Variants in RGS20 observed in about 807,000 individuals in gnomAD.
RGS20 encodes gz-selective GTPase-activating protein.
Under a neutral mutation model 33.6 loss-of-function variants are expected in RGS20, and 30 were observed. The observed-to-expected ratio is 0.89, with a 90% CI of 0.67 to 1.21. RGS20 has a LOEUF of 1.21. Among genes scored for constraint, RGS20 ranks in the 50% most tolerant of loss-of-function variants. The pLI, the probability that RGS20 is intolerant of heterozygous loss-of-function variation, is 0.00. For synonymous variants in RGS20, 208 were observed against 197.9 expected, an observed-to-expected ratio of 1.05 and a Z score of -0.43; for missense variants, 472 against 502.4, an observed-to-expected ratio of 0.94 and a Z score of 0.58.
At chr8:53,853,990 A>T (rs1445933591) in intron 1 of RGS20, among the ~76,000 whole-genome samples, 1 of 152,200 alleles carries the variant, frequency 6.6e-6, no homozygotes, top group African/African-American at 2.4e-5. Context: ...AGGGAACGTG[A>T]GCTAAAATGT....
At chr8:53,957,739 A>G (rs937588855) in intron 5 of RGS20, among the ~76,000 whole-genome samples, 1 of 152,240 alleles carries the variant, frequency 6.6e-6, no homozygotes, top group African/African-American at 2.4e-5. Flanking sequence ...CGCTCTCACA[A>G]GCCCTCTGGA....
intron 2 of RGS20, among the ~76,000 whole-genome samples, chr8:53,899,253 G>C (rs1230976800): frequency 6.6e-6 from 1 of 151,916 alleles, no homozygotes; most frequent in African/African-American, 2.4e-5. Context: ...CCTTTTCTCA[G>C]GTGTCTCAGG....
intron 2 of RGS20, among the ~76,000 whole-genome samples, chr8:53,930,917 C>A (rs1205388321): frequency 6.6e-6 from 1 of 152,080 alleles, no homozygotes; most frequent in Non-Finnish European, 1.5e-5. Flanking sequence ...ATTGTGCTGG[C>A]TTGTCCTGAG....
chr8:53,956,047 C>T (rs1284353402), intron 5 of RGS20, among the ~76,000 whole-genome samples: 1 of 151,954 alleles, frequency 6.6e-6, no homozygotes, highest in Non-Finnish European at 1.5e-5. Flanking sequence ...CACTGGGGCT[C>T]GGGGGTGAGC....
chr8:53,903,202 C>T (rs1585904814), intron 2 of RGS20, among the ~76,000 whole-genome samples: 1 of 152,278 alleles, frequency 6.6e-6, no homozygotes, highest in East Asian at 1.9e-4. Context: ...ACATACATAA[C>T]TATACATTTT....
chr8:53,855,887 T>C (rs1811658863), intron 1 of RGS20, among the ~76,000 whole-genome samples: 1 of 152,236 alleles, frequency 6.6e-6, no homozygotes, highest in Non-Finnish European at 1.5e-5. Context: ...GTTAATAGCA[T>C]TGATGTGGTC....
At chr8:53,896,146 G>A (rs1778929194) in intron 2 of RGS20, among the ~76,000 whole-genome samples, 1 of 152,090 alleles carries the variant, frequency 6.6e-6, no homozygotes, top group Non-Finnish European at 1.5e-5. Flanking sequence ...CAAGTGTGGT[G>A]GCATGAGCCT....
At chr8:53,927,687 A>G (rs992883489) in intron 2 of RGS20, among the ~76,000 whole-genome samples, 7 of 152,178 alleles carry the variant, frequency 4.6e-5, no homozygotes, top group African/African-American at 1.7e-4. Context: ...ATTCTCTGCC[A>G]AACAGACTAA....
chr8:53,957,389 C>G (rs773080878), intron 5 of RGS20, among the ~76,000 whole-genome samples: 7 of 152,216 alleles, frequency 4.6e-5, no homozygotes, highest in Non-Finnish European at 8.8e-5. Context: ...GCCACCATAC[C>G]CAGGCAGGGC....
intron 2 of RGS20, among the ~76,000 whole-genome samples, chr8:53,906,248 T>C (rs1463868699): frequency 6.6e-6 from 1 of 152,066 alleles, no homozygotes. Context: ...TGGTGGCACG[T>C]GCCTACAGTC....
At chr8:53,938,294 A>G (rs1235044315) in intron 2 of RGS20, among the ~76,000 whole-genome samples, 1 of 152,224 alleles carries the variant, frequency 6.6e-6, no homozygotes, top group Non-Finnish European at 1.5e-5. Flanking sequence ...CAGAAAACCA[A>G]AAACTGAATG....
At chr8:53,876,601 T>G (rs1204293904) in intron 1 of RGS20, 1 of 152,258 alleles carries the variant, frequency 6.6e-6, no homozygotes, top group Non-Finnish European at 1.5e-5. Context: ...CAGATCGAAT[T>G]TTTTGGCTAC....
At chr8:53,878,764 G>C (rs1812263898) in intron 1 of RGS20, among the ~76,000 whole-genome samples, 1 of 152,178 alleles carries the variant, frequency 6.6e-6, no homozygotes, top group African/African-American at 2.4e-5. Flanking sequence ...GCCTCTGGCA[G>C]GCAGAGCCCT....
chr8:53,866,243 A>T (rs1811915403), intron 1 of RGS20, among the ~76,000 whole-genome samples: 1 of 152,222 alleles, frequency 6.6e-6, no homozygotes, highest in Non-Finnish European at 1.5e-5. Flanking sequence ...GGAATAGGTG[A>T]CAGAAAGATG....
chr8:53,948,032 T>G (rs1041849552), intron 4 of RGS20, among the ~76,000 whole-genome samples: 3 of 135,956 alleles, frequency 2.2e-5, no homozygotes. Flanking sequence ...ATACTATATA[T>G]AAGTATATAT....
chr8:53,957,139 G>C (rs552138075), intron 5 of RGS20, among the ~76,000 whole-genome samples: 77 of 152,242 alleles, frequency 5.1e-4, no homozygotes, highest in African/African-American at 1.9e-3. Flanking sequence ...GTTTTGTTTT[G>C]TTTTTGAGAT....
intron 1 of RGS20, among the ~76,000 whole-genome samples, chr8:53,865,389 G>T (rs1194868240): frequency 6.6e-6 from 1 of 152,184 alleles, no homozygotes; most frequent in African/African-American, 2.4e-5. Context: ...AAAGAGATGA[G>T]ATGCATTGTT....
At chr8:53,924,593 G>A (rs939347848) in intron 2 of RGS20, among the ~76,000 whole-genome samples, 1 of 152,072 alleles carries the variant, frequency 6.6e-6, no homozygotes, top group Non-Finnish European at 1.5e-5. Context: ...CAAAGCACTG[G>A]GATAACAGGC....
intron 2 of RGS20, among the ~76,000 whole-genome samples, chr8:53,909,671 TA>T (rs1477207607): frequency 2.6e-5 from 4 of 152,222 alleles, no homozygotes; most frequent in South Asian, 2.1e-4. Flanking sequence ...AATGATATCA[TA>T]GTCCTGGTAC....
Sources: allele counts gnomAD v4.1 joint callset (sites outside exome capture counted in the v4.1 genomes callset), GRCh38; gene constraint gnomAD v4.1.1; transcripts MANE v1.5; gene names NCBI Gene and HGNC (gene_info 2026-07-23, HGNC 2026-07-21).